USP39: variants seen among roughly 807,000 people sequenced by gnomAD.
USP39 encodes the protein ubiquitin carboxyl-terminal hydrolase 39.
A neutral mutation model predicts 66.4 loss-of-function variants in USP39; 38 were observed. That is an observed-to-expected ratio of 0.57 (90% CI 0.44 to 0.75). USP39 has a LOEUF of 0.75. Among genes scored for constraint, USP39 ranks in the 30% least tolerant of loss-of-function variants. The pLI, the probability that USP39 is intolerant of heterozygous loss-of-function variation, is 0.00. For synonymous variants in USP39, 303 were observed against 274.6 expected (o/e 1.10, Z -1.02); for missense variants, 608 against 714.4 (o/e 0.85, Z 1.70).
Position 85,616,232 on chromosome 2 carries a change from A to T in USP39, c.37A>T (p.Thr13Ser). ...GTCTAAGCGGGAGTCTCGCGGTTCC[A>T]CTCGCGGGAAGCGAGAGTCTGAGTC... Reference protein sequence around the residue: ...GRSKRESRGSTRGKRESESRG... With the variant: ...GRSKRESRGSSRGKRESESRG... Residue 13 changes from threonine (T) to serine (S), a missense_variant, in exon 1 of 13, where the codon ACT becomes TCT. Around this residue, in one of 6 missense-constraint regions of USP39, gnomAD observed 207 missense variants for 145.7 expected, o/e 1.42. Coordinates refer to ENST00000323701, the MANE Select transcript of USP39 (RefSeq NM_006590.4). 6.7e-7 allele frequency: 1 copy of T among 1,487,798 alleles called. No individual in the cohort carries two copies. 92.2% of individuals were successfully genotyped at this position (1,487,798 alleles called of 1,614,324 possible).
chr2:85,624,618 T>G (rs995305031), intron 4 of USP39, among the ~76,000 whole-genome samples: 13 of 152,204 alleles, frequency 8.5e-5, no homozygotes, highest in African/African-American at 3.1e-4. Flanking sequence ...AAATACTGCT[T>G]TTTCTACTTG....
intron 7 of USP39, 43 bp from the exon 8 acceptor site, chr2:85,637,326 T>G: frequency 6.2e-7 from 1 of 1,605,702 alleles, no homozygotes; most frequent in Non-Finnish European, 8.5e-7. Context: ...CAGACATGTT[T>G]TCCATCCTCA....
In USP39 at chr2:85,602,954, G is replaced by C. The variant is rs1387368297; in HGVS notation, n.99G>C. ...TTCCGTTTAACCGATTCCTGCCGGGGAAGCGTCAGCAGGTGGGGATCTCGG... is the reference window on the plus strand; with the variant it reads ...TTCCGTTTAACCGATTCCTGCCGGGCAAGCGTCAGCAGGTGGGGATCTCGG... On this transcript the variant is annotated non_coding_transcript_exon_variant, in exon 1 of 13. Transcript: ENST00000459775. This position sits in a 1 kb window ranked among gnomAD's most constrained non-coding sequence, Gnocchi z 5.6. 6.6e-6 allele frequency: 1 copy of C among 152,464 alleles called. No homozygotes were observed. The highest frequency in any genetic ancestry group is 2.4e-5 in the African/African-American group (1 of 41,480). 9.4% of individuals were successfully genotyped at this position (152,464 alleles called of 1,614,324 possible). A position where few individuals can be genotyped will look rare whatever the true frequency, so the allele number is the denominator to read the frequency against.
chr2:85,604,026 C>T (rs1044811862), intron 1 of USP39, among the ~76,000 whole-genome samples: 6 of 152,184 alleles, frequency 3.9e-5, no homozygotes, highest in Non-Finnish European at 5.9e-5. Context: ...CTGAATGGTG[C>T]ACAGGCGCAG....
In USP39 at chr2:85,645,038, C is replaced by T. The variant is rs145807458; in HGVS notation, c.1518C>T (p.Asp506=). The change falls in exon 11 of 13, where the codon GAC becomes GAT. Residue 506 remains aspartate (D), a synonymous_variant. Coordinates refer to ENST00000323701, the MANE Select transcript of USP39 (RefSeq NM_006590.4). ...ACCTCATTGCCAACATCGTGCATGA[C>T]GGCAAGCCCTCCGAGGGCTCCTACC... is the stretch of plus-strand genomic sequence containing the variant. ...TYDLIANIVH[D]GKPSEGSYRI... The T allele has an allele frequency of 2.9e-5, 47 of 1,614,014 alleles. No homozygotes were observed. The highest frequency in any genetic ancestry group is 4.0e-5 in the African/African-American group (3 of 74,914).
chr2:85,630,149 C>G (rs1490202094), intron 5 of USP39, among the ~76,000 whole-genome samples: 1 of 151,784 alleles, frequency 6.6e-6, no homozygotes, highest in Non-Finnish European at 1.5e-5. Context: ...CCCCAAAGAT[C>G]ATTGTATTGT....
chr2:85,608,928 G>T, upstream of USP39: 2 of 1,613,828 alleles, frequency 1.2e-6, no homozygotes, highest in Non-Finnish European at 1.7e-6. Flanking sequence ...AGCCTGGAGA[G>T]AACGCCTTCA....
intron 6 of USP39, 74 bp from the exon 7 acceptor site, chr2:85,635,979 C>A: frequency 7.0e-7 from 1 of 1,428,178 alleles, no homozygotes; most frequent in Non-Finnish European, 9.9e-7. Flanking sequence ...ACCAGGAATG[C>A]CAACCAGTGC....
chr2:85,645,128 G>T (rs1407928570), intron 11 of USP39, 45 bp downstream of exon 11: 2 of 1,612,002 alleles, frequency 1.2e-6, no homozygotes, highest in African/African-American at 1.3e-5. Flanking sequence ...GGCAAAAACA[G>T]GTGTTTCTTT....
rs1329734764 is a variant in USP39, at chr2:85,625,481, C to T, written c.571-58C>T. 6 of 1,601,978 alleles carry T rather than the reference C, an allele frequency of 3.7e-6. No individual in the cohort carries two copies. The African/African-American group carries it at 4.0e-5, about 11-fold the overall frequency. ...TTTGTTTTTGTAGAAATTACTGTTA[C>T]AGACATTTCTTGTGAACTCAGCTCT... On this transcript the variant is annotated intron_variant, in intron 4 of 12. Transcript: ENST00000323701.
At chr2:85,629,354 C>T (rs1337766785) in intron 5 of USP39, among the ~76,000 whole-genome samples, 5 of 151,828 alleles carry the variant, frequency 3.3e-5, no homozygotes, top group Non-Finnish European at 7.4e-5. Flanking sequence ...AACCATCGCG[C>T]CTAGACCCCT....
chr2:85,609,217 T>C (rs1673346623), upstream of USP39: 1 of 1,292,640 alleles, frequency 7.7e-7, no homozygotes, highest in Non-Finnish European at 1.1e-6. Context: ...TAATAGTGAT[T>C]CTCCACTGGG....
At chr2:85,604,453 C>T (rs1673143444) in intron 1 of USP39, among the ~76,000 whole-genome samples, 2 of 152,172 alleles carry the variant, frequency 1.3e-5, no homozygotes, top group African/African-American at 4.8e-5. Flanking sequence ...CTCAGGTGAT[C>T]CGCTCGCCTT....
intron 3 of USP39, 34 bp downstream of exon 3, chr2:85,621,613 C>A: frequency 6.7e-7 from 1 of 1,493,880 alleles, no homozygotes; most frequent in Non-Finnish European, 9.0e-7. Context: ...TGCAGATCTG[C>A]TCCAGAGGGA....
upstream of USP39, among the ~76,000 whole-genome samples, chr2:85,614,536 T>C (rs1673785050): frequency 6.6e-6 from 1 of 151,938 alleles, no homozygotes; most frequent in Non-Finnish European, 1.5e-5. Context: ...TGTAAAGTAG[T>C]GAAAGTACAG....
chr2:85,626,172 C>T (rs916431456), intron 5 of USP39, among the ~76,000 whole-genome samples: 5 of 152,040 alleles, frequency 3.3e-5, no homozygotes, highest in African/African-American at 1.2e-4. Flanking sequence ...CTAGCTTGGC[C>T]AACATGGAGA....
rs766628092 is a variant in USP39 at position 85,640,188 on chromosome 2, C to T, written c.1285-788C>T. Among the ~76,000 whole-genome samples the T allele has an allele frequency of 1.1e-4, 16 of 151,934 alleles. 1 individual carries two copies. The highest frequency in any genetic ancestry group is 2.4e-4 in the Non-Finnish European group (16 of 67,992). On this transcript the variant is annotated intron_variant, in intron 9 of 12. Transcript: ENST00000323701. ...CCCAACCACAGTGCCCCCTCTTGTACTTCTCATATATCCTGTTTTCAGCTT... is the reference window on the plus strand; with the variant it reads ...CCCAACCACAGTGCCCCCTCTTGTATTTCTCATATATCCTGTTTTCAGCTT...
upstream of USP39, chr2:85,612,489 C>T (rs1673628477): frequency 1.0e-6 from 1 of 1,000,118 alleles, no homozygotes; most frequent in Admixed American, 2.4e-5. Context: ...ATTGTGAGGC[C>T]TTGAAGTGCT....
chr2:85,645,207 T>C (rs1676549287), intron 11 of USP39, 124 bp downstream of exon 11: 3 of 1,349,804 alleles, frequency 2.2e-6, no homozygotes, highest in Non-Finnish European at 3.0e-6. Flanking sequence ...CTGCAAGTAA[T>C]AGTGCTGTCA....
Sources: gnomAD v4.1 joint callset for allele counts (sites outside exome capture counted in the v4.1 genomes callset) on GRCh38, gnomAD v4.1.1 for gene constraint, gnomAD v4.1.1 regional missense constraint, Gnocchi (gnomAD v3.1) non-coding constraint, MANE v1.5 for transcripts, NCBI Gene and HGNC (gene_info 2026-07-23, HGNC 2026-07-21) for gene names.